Variants in EXOC6B observed in about 807,000 individuals in gnomAD.
EXOC6B encodes the protein SEC15 homolog B.
A neutral mutation model predicts 113.5 loss-of-function variants in EXOC6B; 54 were observed. That is an observed-to-expected ratio of 0.48 (90% CI 0.38 to 0.60). The LOEUF (loss-of-function observed/expected upper bound fraction) is 0.60. Ranked by LOEUF, EXOC6B falls within the 20% of genes least tolerant of loss-of-function variation. The pLI, the probability that EXOC6B is intolerant of heterozygous loss-of-function variation, is 0.00. For missense variants in EXOC6B, 797 were observed against 977.5 expected (o/e 0.82, Z 2.46); for synonymous variants, 357 against 339.0 (o/e 1.05, Z -0.58).
chr2:72,400,192 T>C (rs1371535553), intron 18 of EXOC6B, among the ~76,000 whole-genome samples: 1 of 152,136 alleles, frequency 6.6e-6, no homozygotes, highest in Non-Finnish European at 1.5e-5. Flanking sequence ...AAAGTACCCC[T>C]ATTCAGTAAA....
intron 8 of EXOC6B, among the ~76,000 whole-genome samples, chr2:72,533,188 C>T (rs1375610625): frequency 6.6e-6 from 1 of 152,150 alleles, no homozygotes; most frequent in African/African-American, 2.4e-5. Flanking sequence ...TTTGGCAATT[C>T]AGTGAAGGAT....
intron 20 of EXOC6B, among the ~76,000 whole-genome samples, chr2:72,275,471 C>G (rs927101900): frequency 3.9e-5 from 6 of 152,290 alleles, no homozygotes; most frequent in African/African-American, 1.2e-4. Context: ...CTGGTAACCT[C>G]TCATCACTTC....
At chr2:72,670,449 T>C (rs1675712215) in intron 6 of EXOC6B, among the ~76,000 whole-genome samples, 1 of 152,208 alleles carries the variant, frequency 6.6e-6, no homozygotes, top group Non-Finnish European at 1.5e-5. Context: ...ATTTCTCCCC[T>C]GGAATTCTGC....
At chr2:72,195,662 A>G (rs1679124079) in intron 20 of EXOC6B, among the ~76,000 whole-genome samples, 2 of 152,206 alleles carry the variant, frequency 1.3e-5, no homozygotes, top group Admixed American at 1.3e-4. Flanking sequence ...GAGACCACAG[A>G]GTGAAGACAA....
At chr2:72,553,772 G>A (rs1256252028) in intron 8 of EXOC6B, among the ~76,000 whole-genome samples, 9 of 152,030 alleles carry the variant, frequency 5.9e-5, no homozygotes, top group Non-Finnish European at 1.0e-4. Context: ...ACACTATGCA[G>A]GAATTTCAAA....
At chr2:72,221,858 C>T (rs891160403) in intron 20 of EXOC6B, among the ~76,000 whole-genome samples, 2 of 152,148 alleles carry the variant, frequency 1.3e-5, no homozygotes, top group African/African-American at 2.4e-5. Context: ...ATTTGATTGA[C>T]GTTATATCTG....
At chr2:72,565,673 G>A (rs1305457516) in intron 7 of EXOC6B, among the ~76,000 whole-genome samples, 1 of 151,994 alleles carries the variant, frequency 6.6e-6, no homozygotes, top group African/African-American at 2.4e-5. Context: ...TATACAACTA[G>A]CCCTGAACCT....
intron 1 of EXOC6B, among the ~76,000 whole-genome samples, chr2:72,774,176 C>T (rs1194369508): frequency 6.6e-6 from 1 of 152,142 alleles, no homozygotes. Flanking sequence ...TATTATCACC[C>T]AGTCTTACAA....
intron 6 of EXOC6B, among the ~76,000 whole-genome samples, chr2:72,671,692 C>A (rs1184990420): frequency 7.0e-6 from 1 of 143,638 alleles, no homozygotes; most frequent in African/African-American, 2.6e-5. Flanking sequence ...GAGCAAAACT[C>A]CGTCAAAAAA....
intron 7 of EXOC6B, among the ~76,000 whole-genome samples, chr2:72,570,280 T>C (rs547348179): frequency 2.6e-5 from 4 of 152,268 alleles, no homozygotes; most frequent in Admixed American, 2.6e-4. Flanking sequence ...TGGTGGAACC[T>C]TGATCTTGGA....
chr2:72,677,425 T>C (rs1676395747), intron 6 of EXOC6B, among the ~76,000 whole-genome samples: 1 of 152,050 alleles, frequency 6.6e-6, no homozygotes, highest in Admixed American at 6.6e-5. Context: ...TCAGCAAACT[T>C]AGAAGAAATA....
intron 1 of EXOC6B, among the ~76,000 whole-genome samples, chr2:72,821,073 A>G (rs1686555577): frequency 6.6e-6 from 1 of 152,162 alleles, no homozygotes; most frequent in South Asian, 2.1e-4. Context: ...AAATCACAGA[A>G]TAGGATATAG....
intron 6 of EXOC6B, among the ~76,000 whole-genome samples, chr2:72,600,123 T>A (rs1670321302): frequency 6.6e-6 from 1 of 152,052 alleles, no homozygotes; most frequent in Non-Finnish European, 1.5e-5. Context: ...CAGAGGACAG[T>A]GTCCAACTTT....
At chr2:72,261,717 T>A (rs1419443424) in intron 20 of EXOC6B, among the ~76,000 whole-genome samples, 1 of 152,224 alleles carries the variant, frequency 6.6e-6, no homozygotes, top group East Asian at 1.9e-4. Flanking sequence ...TCTCGACAAG[T>A]TATATTTTCA....
At chr2:72,370,945 A>G (rs909063336) in intron 19 of EXOC6B, among the ~76,000 whole-genome samples, 1 of 152,002 alleles carries the variant, frequency 6.6e-6, no homozygotes, top group Non-Finnish European at 1.5e-5. Flanking sequence ...ACATGTATAT[A>G]TATGTAACAA....
intron 8 of EXOC6B, among the ~76,000 whole-genome samples, chr2:72,530,317 C>T (rs1701938061): frequency 6.6e-6 from 1 of 152,144 alleles, no homozygotes; most frequent in African/African-American, 2.4e-5. Context: ...CATTTTCATT[C>T]AGTTCAATAT....
At chr2:72,740,325 A>T (rs1399140628) in intron 2 of EXOC6B, among the ~76,000 whole-genome samples, 12 of 152,228 alleles carry the variant, frequency 7.9e-5, no homozygotes, top group Non-Finnish European at 1.6e-4. Flanking sequence ...AATTAAAAGC[A>T]TAAGGACTTG....
chr2:72,801,280 AACAT>A (rs1407706548), intron 1 of EXOC6B, among the ~76,000 whole-genome samples: 2 of 152,218 alleles, frequency 1.3e-5, no homozygotes, highest in African/African-American at 4.8e-5. Context: ...TATGTTTGAT[AACAT>A]ACATAAATAT....
intron 6 of EXOC6B, among the ~76,000 whole-genome samples, chr2:72,603,880 T>C (rs140407444): frequency 3.3e-5 from 5 of 152,244 alleles, no homozygotes; most frequent in African/African-American, 1.2e-4. Flanking sequence ...ACAGAGATAC[T>C]GGTATTTCCC....
Sources: gnomAD v4.1 joint callset for allele counts (sites outside exome capture counted in the v4.1 genomes callset) on GRCh38, gnomAD v4.1.1 for gene constraint, MANE v1.5 for transcripts, NCBI Gene and HGNC (gene_info 2026-07-23, HGNC 2026-07-21) for gene names.